MLIP: variants seen among roughly 807,000 people sequenced by gnomAD.
MLIP encodes muscular LMNA-interacting protein.
A neutral mutation model predicts 84.8 loss-of-function variants in MLIP; 79 were observed. The ratio of observed to expected loss-of-function variants is 0.93; its 90% confidence interval spans 0.78 to 1.12. The LOEUF (loss-of-function observed/expected upper bound fraction) is 1.12, where lower values mean the gene tolerates loss of function less well. Among genes scored for constraint, MLIP ranks in the 50% most tolerant of loss-of-function variants. MLIP has a pLI of 0.00. For missense variants in MLIP, 1,257 were observed against 1,160.6 expected, an observed-to-expected ratio of 1.08 and a Z score of -1.21; for synonymous variants, 504 against 463.0, an observed-to-expected ratio of 1.09 and a Z score of -1.14.
intron 3 of MLIP, among the ~76,000 whole-genome samples, chr6:54,134,443 T>G (rs1291298259): frequency 3.3e-5 from 5 of 151,884 alleles, no homozygotes; most frequent in Non-Finnish European, 7.4e-5. Context: ...TACTTATTAA[T>G]ATATTAAGAA....
chr6:54,236,822 T>C (rs1348288246), intron 12 of MLIP, among the ~76,000 whole-genome samples: 2 of 152,202 alleles, frequency 1.3e-5, no homozygotes, highest in South Asian at 2.1e-4. Context: ...TATAGTGCTG[T>C]TGGCCATGAG....
intron 9 of MLIP, among the ~76,000 whole-genome samples, chr6:54,184,169 A>G (rs1345820147): frequency 1.3e-5 from 2 of 152,256 alleles, no homozygotes; most frequent in African/African-American, 4.8e-5. Flanking sequence ...GCACATTATC[A>G]TGGATTAGAG....
At chr6:54,029,975 A>G (rs562060689) in intron 1 of MLIP, among the ~76,000 whole-genome samples, 1 of 152,306 alleles carries the variant, frequency 6.6e-6, no homozygotes, top group African/African-American at 2.4e-5. Flanking sequence ...TAAGCACTCA[A>G]TAAGTGGTAT....
chr6:54,047,181 A>G (rs932656578), intron 1 of MLIP: 3 of 152,198 alleles, frequency 2.0e-5, no homozygotes, highest in African/African-American at 4.8e-5. Flanking sequence ...AACAAAAGAC[A>G]TATTCAGTGA....
chr6:54,029,935 G>A (rs1217066445), intron 1 of MLIP, among the ~76,000 whole-genome samples: 2 of 152,080 alleles, frequency 1.3e-5, no homozygotes, highest in Non-Finnish European at 2.9e-5. Context: ...GCTATGACTT[G>A]CCTCACAGAG....
intron 11 of MLIP, among the ~76,000 whole-genome samples, chr6:54,226,610 C>CAAA (rs74362709): frequency 6.8e-6 from 1 of 146,596 alleles, no homozygotes; most frequent in Non-Finnish European, 1.5e-5. Context: ...AAAACCAAAC[C>CAAA]AAAAAAAAAA....
chr6:54,079,321 G>A (rs1311360252), intron 1 of MLIP, among the ~76,000 whole-genome samples: 1 of 152,160 alleles, frequency 6.6e-6, no homozygotes, highest in Non-Finnish European at 1.5e-5. Flanking sequence ...GGCTTAAGCA[G>A]GTAAAGCACC....
chr6:54,076,478 A>G (rs907703913), intron 1 of MLIP, among the ~76,000 whole-genome samples: 1 of 152,200 alleles, frequency 6.6e-6, no homozygotes, highest in African/African-American at 2.4e-5. Context: ...TGGAAAGACT[A>G]CTGGACCTGT....
intron 4 of MLIP, among the ~76,000 whole-genome samples, chr6:54,143,527 G>A (rs565910494): frequency 6.6e-6 from 1 of 152,180 alleles, no homozygotes; most frequent in South Asian, 2.1e-4. Flanking sequence ...TTAATTGAGG[G>A]GAGTGTGCAG....
At chr6:54,176,700 AC>A (rs996193307) in intron 9 of MLIP, among the ~76,000 whole-genome samples, 3 of 152,088 alleles carry the variant, frequency 2.0e-5, no homozygotes, top group South Asian at 2.1e-4. Flanking sequence ...AGAAAAAAAA[AC>A]GTAAAAGTTC....
intron 11 of MLIP, chr6:54,216,041 A>G (rs1229503026): frequency 2.1e-6 from 1 of 471,872 alleles, no homozygotes; most frequent in Non-Finnish European, 2.8e-6. Flanking sequence ...TTCATTGTTT[A>G]ACACGTTTTA....
intron 4 of MLIP, among the ~76,000 whole-genome samples, chr6:54,139,891 T>C (rs1385913845): frequency 6.6e-6 from 1 of 152,136 alleles, no homozygotes; most frequent in Non-Finnish European, 1.5e-5. Context: ...TAACCAGAAT[T>C]CCCAATTTAT....
intron 4 of MLIP, 93 bp downstream of exon 4, chr6:54,138,379 T>A: frequency 7.1e-7 from 1 of 1,403,174 alleles, no homozygotes; most frequent in Non-Finnish European, 9.4e-7. Context: ...ATTATAGTAT[T>A]AATTGTACTC....
chr6:54,047,682 T>A (rs1317787788), intron 1 of MLIP: 3 of 152,100 alleles, frequency 2.0e-5, no homozygotes, highest in African/African-American at 7.2e-5. Flanking sequence ...ACTAAGCAGT[T>A]CCGCATGACT....
At chr6:54,046,343 T>C (rs1365798252) in intron 1 of MLIP, 1 of 151,982 alleles carries the variant, frequency 6.6e-6, no homozygotes, top group Non-Finnish European at 1.5e-5. Flanking sequence ...TAATACATTG[T>C]CATTATAGAA....
At chr6:54,233,314 G>C (rs1033286842) in intron 12 of MLIP, among the ~76,000 whole-genome samples, 3 of 151,974 alleles carry the variant, frequency 2.0e-5, no homozygotes, top group Admixed American at 6.6e-5. Flanking sequence ...TTCTCCTAAT[G>C]CTATCCCTCT....
intron 1 of MLIP, chr6:54,099,568 A>G (rs904087685): frequency 1.3e-5 from 2 of 152,150 alleles, no homozygotes; most frequent in East Asian, 3.9e-4. Context: ...TCTAAGGCTT[A>G]TAGATTGCCA....
intron 1 of MLIP, among the ~76,000 whole-genome samples, chr6:54,061,873 T>C (rs1765982981): frequency 6.6e-6 from 1 of 152,210 alleles, no homozygotes; most frequent in Admixed American, 6.5e-5. Context: ...AGTCCTATTT[T>C]GGTTATAGCT....
rs1334018130 is a variant in MLIP, at chr6:54,121,578, TAA to T, written c.229_230del (p.Lys77GlufsTer7). ...TTAAAATTCCAGAAGAATCAAGTGA[TAA>T]GAGTCCAGAAACTGTAAATAGGGTA... Reference protein sequence around the residue: ...LVKIPEESSDKSPETVNRSKS... With the variant: ...LVKIPEESSDXSPETVNRSKS... On this transcript the variant is annotated frameshift_variant, in exon 2 of 14. Coordinates refer to ENST00000502396, the MANE Select transcript of MLIP (RefSeq NM_001281747.2). LOFTEE classifies it high-confidence loss of function. The T allele has an allele frequency of 1.2e-6, 2 of 1,612,434 alleles. No individual in the cohort carries two copies. Among genetic ancestry groups the T allele is most frequent in the Non-Finnish European group, 1.7e-6 (2 of 1,179,058 alleles).
Sources: gnomAD v4.1 joint callset for allele counts (sites outside exome capture counted in the v4.1 genomes callset) on GRCh38, gnomAD v4.1.1 for gene constraint, MANE v1.5 for transcripts, NCBI Gene and HGNC (gene_info 2026-07-23, HGNC 2026-07-21) for gene names.